Variants in NCBP3 observed in about 807,000 individuals in gnomAD.
NCBP3 encodes the protein nuclear cap-binding protein subunit 3.
NCBP3 carries 20 observed loss-of-function variants against 75.7 expected under a neutral mutation model. The observed-to-expected ratio is 0.26, with a 90% CI of 0.19 to 0.38. NCBP3 has a LOEUF of 0.38. Among genes scored for constraint, NCBP3 ranks in the 10% least tolerant of loss-of-function variants. NCBP3 has a pLI of 1.00. For synonymous variants in NCBP3, 293 were observed against 290.5 expected (o/e 1.01, Z -0.09); for missense variants, 678 against 796.9 (o/e 0.85, Z 1.80).
chr17:3,832,759 T>C (rs2053906978), intron 3 of NCBP3, among the ~76,000 whole-genome samples: 1 of 152,222 alleles, frequency 6.6e-6, no homozygotes, highest in Non-Finnish European at 1.5e-5. Flanking sequence ...TCTGCAGATA[T>C]ATGCTATTAC....
At chr17:3,817,145 C>G (rs1009266027) in intron 10 of NCBP3, among the ~76,000 whole-genome samples, 4 of 152,322 alleles carry the variant, frequency 2.6e-5, no homozygotes, top group South Asian at 2.1e-4. Flanking sequence ...AGACTCTAAC[C>G]CTTAGAACTG....
Position 3,818,493 on chromosome 17 carries a change from G to GTCTTCT in NCBP3, c.1074_1079dup (p.Glu358_Glu359dup), listed in dbSNP as rs746673147. The GTCTTCT allele has an allele frequency of 1.2e-6, 2 of 1,613,490 alleles. No individual in the cohort carries two copies. Among genetic ancestry groups the GTCTTCT allele is most frequent in the South Asian group, 1.1e-5 (1 of 91,080 alleles). ...CTCTGTCATCTGCATCCATGTCCTG[G>GTCTTCT]TCTTCTTCTTCCTCTTCCTCTTCCT... On this transcript the variant is annotated inframe_insertion, in exon 10 of 13. Coordinates refer to ENST00000389005, the MANE Select transcript of NCBP3 (RefSeq NM_001114118.3). The surrounding 1 kb of genome is among the most constrained non-coding windows in gnomAD (Gnocchi z 4.7).
chr17:3,827,345 C>G (rs1392656405), intron 4 of NCBP3, among the ~76,000 whole-genome samples: 2 of 152,190 alleles, frequency 1.3e-5, no homozygotes, highest in African/African-American at 4.8e-5. Context: ...ACTACCGCCC[C>G]CTACAGGGAA....
chr17:3,825,814 C>T lies in NCBP3; in HGVS notation c.640G>A (p.Glu214Lys). ...DKQEDSSDDD[E>K]AEEGEVEDEN... ...TCTTCAACCTCTCCTTCTTCAGCTT[C>T]ATCATCATCTGAACTGTCTTCCTGC... is the stretch of plus-strand genomic sequence containing the variant. The change falls in exon 6 of 13, where the codon GAA becomes AAA. Residue 214 changes from glutamate to lysine, a missense_variant. Glu to Lys is a moderately conservative substitution (Grantham distance 56). Around this residue, in one of 7 missense-constraint regions of NCBP3, gnomAD observed 98 missense variants for 101.8 expected, o/e 0.96. Transcript: ENST00000389005. The T allele has an allele frequency of 6.4e-7, 1 of 1,551,422 alleles. No homozygotes were observed. Among genetic ancestry groups the T allele is most frequent in the Non-Finnish European group, 8.7e-7 (1 of 1,146,822 alleles).
At chr17:3,842,789 A>G (rs1467953976) in intron 2 of NCBP3, among the ~76,000 whole-genome samples, 2 of 151,954 alleles carry the variant, frequency 1.3e-5, no homozygotes, top group East Asian at 3.9e-4. Flanking sequence ...GGGACTACAG[A>G]CCTGTGCTAC....
At chr17:3,830,751 C>G (rs111296575) in intron 3 of NCBP3, among the ~76,000 whole-genome samples, 1 of 152,070 alleles carries the variant, frequency 6.6e-6, no homozygotes. Context: ...CCACACCCGG[C>G]TAATTTTGTA....
chr17:3,815,727 T>C (rs2053518261), intron 11 of NCBP3, among the ~76,000 whole-genome samples: 1 of 152,154 alleles, frequency 6.6e-6, no homozygotes, highest in African/African-American at 2.4e-5. Flanking sequence ...CCGTATTAGG[T>C]ATTGTAAATA....
rs1200647023 is a variant in NCBP3 at position 3,818,496 on chromosome 17, T to G, written c.1077A>C (p.Glu359Asp). The change falls in exon 10 of 13, where the codon GAA (glutamate) becomes GAC (aspartate). Residue 359 changes from glutamate (E) to aspartate (D), a missense_variant. By Grantham distance (45) the Glu-to-Asp change is conservative (BLOSUM62 2). Coordinates refer to ENST00000389005, the MANE Select transcript of NCBP3 (RefSeq NM_001114118.3). This position sits in a 1 kb window ranked among gnomAD's most constrained non-coding sequence, Gnocchi z 4.7. ...TGTCATCTGCATCCATGTCCTGGTCTTCTTCTTCCTCTTCCTCTTCCTCCT... is the reference window on the plus strand; with the variant it reads ...TGTCATCTGCATCCATGTCCTGGTCGTCTTCTTCCTCTTCCTCTTCCTCCT... ...EEEEEEEEEE[E>D]DQDMDADDRV... 2.8e-5 allele frequency: 45 copies of G among 1,613,554 alleles called. No individual in the cohort carries two copies. In the Admixed American group the frequency reaches 7.2e-4, roughly 26 times the overall value.
rs2053363737 is a variant in NCBP3, at chr17:3,808,743, T to G, written c.*4301A>C. Reference sequence around the variant, plus strand: ...AGGGTGGAATTTATGTATGTATGTATTTTTTGAGACAGGTCTTGCTCTGCT... The same window carrying G: ...AGGGTGGAATTTATGTATGTATGTAGTTTTTGAGACAGGTCTTGCTCTGCT... On this transcript the variant is annotated 3_prime_UTR_variant, in exon 13 of 13. Coordinates refer to ENST00000389005, the MANE Select transcript of NCBP3 (RefSeq NM_001114118.3). 6.6e-6 allele frequency: 1 copy of G among 152,240 alleles called. No homozygotes were observed. The highest frequency in any genetic ancestry group is 2.4e-5 in the African/African-American group (1 of 41,424). 9.4% of individuals were successfully genotyped at this position (152,240 alleles called of 1,614,324 possible).
intron 1 of NCBP3, among the ~76,000 whole-genome samples, 155 bp downstream of exon 1, chr17:3,845,886 C>T (rs1271142741): frequency 6.6e-6 from 1 of 152,320 alleles, no homozygotes; most frequent in East Asian, 1.9e-4. Context: ...GTCCCTCCTC[C>T]AGCCCGGCGT....
rs556855975 is a variant in NCBP3 at position 3,845,409 on chromosome 17, T to TA, written c.183+631dup. ...ACACCTCTCACCATCCCCAGCGCGG[T>TA]AAAGGAGGGACCAAGGATGTCTATT... is the stretch of plus-strand genomic sequence containing the variant. On this transcript the variant is annotated intron_variant, in intron 1 of 12. Transcript: ENST00000389005. 5.9e-3 allele frequency among the ~76,000 whole-genome samples: 890 copies of TA among 151,978 alleles called. 6 individuals carry two copies. Among genetic ancestry groups the TA allele is most frequent in the Non-Finnish European group, 8.4e-3 (573 of 67,970 alleles).
chr17:3,832,010 C>T lies in NCBP3; in HGVS notation c.356-2642G>A, dbSNP rs2053886393. Among the ~76,000 whole-genome samples, 2 of 119,052 alleles carry T rather than the reference C, an allele frequency of 1.7e-5. 1 individual carries two copies. Among genetic ancestry groups the T allele is most frequent in the South Asian group, 6.1e-4 (2 of 3,268 alleles). 78.1% of individuals were successfully genotyped at this position (119,052 alleles called of 152,430 possible). On this transcript the variant is annotated intron_variant, in intron 3 of 12. Transcript: ENST00000389005. ...ATCAGCCTGGACAACATGATGAAAC[C>T]CTGTCTCTACTAAAAATACAAAAAT...
Position 3,803,802 on chromosome 17 carries a change from G to C in NCBP3, c.*9242C>G, listed in dbSNP as rs113117025. 6.6e-6 allele frequency: 1 copy of C among 152,162 alleles called. No homozygotes were observed. The highest frequency in any genetic ancestry group is 1.5e-5 in the Non-Finnish European group (1 of 68,024). The allele number at this position is 152,162 out of a possible 1,614,324, so 9.4% of individuals were successfully genotyped here. A position where few individuals can be genotyped will look rare whatever the true frequency, so the allele number is the denominator to read the frequency against. ...TAAAAAATGGGCAGGTGGGCCAGGC[G>C]CGGTGGCTCACGCCTGTAATCCCAG... On this transcript the variant is annotated 3_prime_UTR_variant, in exon 13 of 13. Coordinates refer to ENST00000389005, the MANE Select transcript of NCBP3 (RefSeq NM_001114118.3).
chr17:3,836,174 C>T (rs2053968610), intron 3 of NCBP3, among the ~76,000 whole-genome samples: 1 of 152,110 alleles, frequency 6.6e-6, no homozygotes, highest in Non-Finnish European at 1.5e-5. Context: ...AGTGTGGATG[C>T]AGGAGTCAAC....
chr17:3,840,689 C>T (rs1025234174), intron 2 of NCBP3, among the ~76,000 whole-genome samples: 3 of 152,194 alleles, frequency 2.0e-5, no homozygotes, highest in Non-Finnish European at 2.9e-5. Flanking sequence ...CACCTACAAC[C>T]ACTTCACATT....
intron 3 of NCBP3, among the ~76,000 whole-genome samples, chr17:3,834,870 CT>C (rs2053947633): frequency 6.6e-6 from 1 of 151,994 alleles, no homozygotes; most frequent in East Asian, 1.9e-4. Flanking sequence ...AACCTCATTT[CT>C]TTTTTGATAG....
At position 3,846,007 on chromosome 17, in the gene NCBP3, G is replaced by A. The variant is rs1283453818; in HGVS notation, c.183+34C>T. On this transcript the variant is annotated intron_variant, in intron 1 of 12. Transcript: ENST00000389005. This position sits in a 1 kb window ranked among gnomAD's most constrained non-coding sequence, Gnocchi z 4.6. ...CTCCGGCGCTAGACACTAGCCCCGC[G>A]ACCTCTTCCTTACCCCCCGACCCCC... 2.6e-6 allele frequency: 4 copies of A among 1,535,562 alleles called. No individual in the cohort carries two copies. The highest frequency in any genetic ancestry group is 4.0e-5 in the Admixed American group (2 of 50,010).
rs1020388800 is a variant in NCBP3, at chr17:3,802,686, T to G, written c.*10358A>C. On this transcript the variant is annotated 3_prime_UTR_variant, in exon 13 of 13. Transcript: ENST00000389005. The stretch of plus-strand genomic sequence containing the variant: ...ACTTCATTCTGCGCTCCAAGGGCAC[T>G]GGGGAGAGTCACAGTGGTCTCCTCT... 1.3e-5 allele frequency: 2 copies of G among 152,290 alleles called. No homozygotes were observed. Among genetic ancestry groups the G allele is most frequent in the African/African-American group, 4.8e-5 (2 of 41,456 alleles). The allele number at this position is 152,290 out of a possible 1,614,324, so 9.4% of individuals were successfully genotyped here.
chr17:3,832,556 G>C (rs1343148327), intron 3 of NCBP3, among the ~76,000 whole-genome samples: 1 of 144,440 alleles, frequency 6.9e-6, no homozygotes, highest in South Asian at 2.3e-4. Flanking sequence ...ACTTGAACCC[G>C]GGAGGCGGAG....
Sources: allele counts gnomAD v4.1 joint callset (sites outside exome capture counted in the v4.1 genomes callset), GRCh38; gene constraint gnomAD v4.1.1; regional missense constraint gnomAD v4.1.1; non-coding constraint Gnocchi (gnomAD v3.1); transcripts MANE v1.5; gene names NCBI Gene and HGNC (gene_info 2026-07-23, HGNC 2026-07-21).